Variants in BDKRB2 observed in about 807,000 individuals in gnomAD.
BDKRB2 encodes the protein B2 bradykinin receptor.
Under a neutral mutation model 4.0 loss-of-function variants are expected in BDKRB2, and 6 were observed. That is an observed-to-expected ratio of 1.49 (90% CI 0.81 to 2.93). The LOEUF is 2.93. Ranked by LOEUF, BDKRB2 falls within the 30% of genes most tolerant of loss-of-function variation. The pLI is 0.00. For missense variants in BDKRB2, 478 were observed against 520.1 expected, an observed-to-expected ratio of 0.92 and a Z score of 0.79; for synonymous variants, 225 against 215.3, an observed-to-expected ratio of 1.05 and a Z score of -0.40.
chr14:96,209,528 G>T (rs890599810), intron 1 of BDKRB2, among the ~76,000 whole-genome samples: 1 of 152,150 alleles, frequency 6.6e-6, no homozygotes, highest in Non-Finnish European at 1.5e-5. Flanking sequence ...AGGCAGTAGG[G>T]GAAAGAAGGA....
chr14:96,231,281 A>G (rs1890813208), intron 1 of BDKRB2, among the ~76,000 whole-genome samples: 1 of 152,192 alleles, frequency 6.6e-6, no homozygotes, highest in Non-Finnish European at 1.5e-5. Context: ...AAGGACTTAC[A>G]TGTATATGTC....
At chr14:96,206,632 T>G (rs1430481063) in intron 1 of BDKRB2, among the ~76,000 whole-genome samples, 1 of 152,098 alleles carries the variant, frequency 6.6e-6, no homozygotes, top group Admixed American at 6.5e-5. Flanking sequence ...CGAATAGCTG[T>G]GCCACGTGGT....
intron 1 of BDKRB2, among the ~76,000 whole-genome samples, chr14:96,231,059 A>G (rs1890808122): frequency 6.6e-6 from 1 of 152,244 alleles, no homozygotes; most frequent in South Asian, 2.1e-4. Context: ...AAACACACTG[A>G]GCAGAATAAT....
chr14:96,237,802 C>T, intron 2 of BDKRB2: 1 of 1,289,834 alleles, frequency 7.8e-7, no homozygotes, highest in Non-Finnish European at 1.0e-6. Flanking sequence ...CCGCACTCAG[C>T]AGGCATCTTT....
chr14:96,208,481 G>A (rs1224493300), intron 1 of BDKRB2, among the ~76,000 whole-genome samples: 1 of 152,120 alleles, frequency 6.6e-6, no homozygotes, highest in African/African-American at 2.4e-5. Flanking sequence ...TTCTTCTCCT[G>A]TACAATGGGG....
In BDKRB2 at chr14:96,241,360, G is replaced by T; in HGVS notation, c.1032G>T (p.Trp344Cys). The change falls in exon 3 of 3, where the codon TGG (tryptophan) becomes TGT (cysteine). Residue 344 changes from tryptophan to cysteine, a missense_variant. Transcript: ENST00000554311. Reference sequence around the variant, plus strand: ...GCAAGCGCTTCCGAAAGAAGTCTTGGGAGGTGTACCAGGGAGTGTGCCAGA... The same window carrying T: ...GCAAGCGCTTCCGAAAGAAGTCTTGTGAGGTGTACCAGGGAGTGTGCCAGA... Reference protein sequence around the residue: ...IVGKRFRKKSWEVYQGVCQKG... With the variant: ...IVGKRFRKKSCEVYQGVCQKG... 6.2e-7 allele frequency: 1 copy of T among 1,613,988 alleles called. No homozygotes were observed. Among genetic ancestry groups the T allele is most frequent in the Non-Finnish European group, 8.5e-7 (1 of 1,180,002 alleles).
At chr14:96,217,187 CTGATGG>C (rs1890446887) in intron 1 of BDKRB2, among the ~76,000 whole-genome samples, 1 of 152,210 alleles carries the variant, frequency 6.6e-6, no homozygotes, top group African/African-American at 2.4e-5. Context: ...GCTCAAGGGA[CTGATGG>C]TGTGTGACAA....
At position 96,204,968 on chromosome 14, in the gene BDKRB2, C is replaced by T; in HGVS notation, c.-40+9C>T. 1 of 213,898 alleles carries T rather than the reference C, an allele frequency of 4.7e-6. No homozygotes were observed. Among genetic ancestry groups the T allele is most frequent in the Non-Finnish European group, 1.0e-5 (1 of 99,734 alleles). The allele number at this position is 213,898 out of a possible 1,614,324, so 13.3% of individuals were successfully genotyped here. A position where few individuals can be genotyped will look rare whatever the true frequency, so the allele number is the denominator to read the frequency against. On this transcript the variant is annotated intron_variant, in intron 1 of 2. Coordinates refer to ENST00000554311, the MANE Select transcript of BDKRB2 (RefSeq NM_001379692.1). ...CGCTTGCTCCGGAGAAGGTGGGTGCCGGGCAGGGGCTGCTCCAGCCGCCTC... is the reference window on the plus strand; with the variant it reads ...CGCTTGCTCCGGAGAAGGTGGGTGCTGGGCAGGGGCTGCTCCAGCCGCCTC...
intron 2 of BDKRB2, chr14:96,239,280 G>T: frequency 2.1e-6 from 2 of 974,958 alleles, no homozygotes; most frequent in Non-Finnish European, 2.4e-6. Context: ...CATGAAAAAA[G>T]AAATGCAAAG....
Position 96,204,888 on chromosome 14 carries a change from CGGTGGG to C in BDKRB2, c.-109_-104del. On this transcript the variant is annotated 5_prime_UTR_variant, in exon 1 of 3. Coordinates refer to ENST00000554311, the MANE Select transcript of BDKRB2 (RefSeq NM_001379692.1). ...CGAGGAGGGGTGGGGACGGTGGGGA[CGGTGGG>C]GACATCAGGCTGCCCCGCAGTACCA... 1 of 345,808 alleles carries C rather than the reference CGGTGGG, an allele frequency of 2.9e-6. No homozygotes were observed. Among genetic ancestry groups the C allele is most frequent in the Non-Finnish European group, 5.8e-6 (1 of 173,544 alleles). The allele number at this position is 345,808 out of a possible 1,614,324, so 21.4% of individuals were successfully genotyped here.
intron 1 of BDKRB2, among the ~76,000 whole-genome samples, chr14:96,212,324 T>A (rs1890320868): frequency 6.6e-6 from 1 of 152,120 alleles, no homozygotes; most frequent in African/African-American, 2.4e-5. Flanking sequence ...TTACCAAACT[T>A]ATGGGATGCA....
chr14:96,234,818 G>A (rs770051481), intron 1 of BDKRB2, among the ~76,000 whole-genome samples: 4 of 152,204 alleles, frequency 2.6e-5, no homozygotes, highest in Non-Finnish European at 4.4e-5. Flanking sequence ...CCATAATGGA[G>A]GCCAGCGAGG....
chr14:96,238,686 T>C (rs955276977), intron 2 of BDKRB2: 2 of 966,084 alleles, frequency 2.1e-6, no homozygotes, highest in Non-Finnish European at 2.5e-6. Context: ...GCTCAGGCTG[T>C]TCCCCCTGCC....
In BDKRB2 at chr14:96,220,593, G is replaced by A. The variant is rs892756105; in HGVS notation, c.-40+15634G>A. 9.2e-5 allele frequency among the ~76,000 whole-genome samples: 14 copies of A among 151,974 alleles called. No individual in the cohort carries two copies. The South Asian group carries it at 1.9e-3, about 20-fold the overall frequency. On this transcript the variant is annotated intron_variant, in intron 1 of 2. Transcript: ENST00000554311. ...TCTGGAGGTACCAACATGAGACTCC[G>A]AGGGCCACCTCCTCTGCCCCTCCCT...
chr14:96,209,239 G>T (rs540803924), intron 1 of BDKRB2, among the ~76,000 whole-genome samples: 3 of 152,316 alleles, frequency 2.0e-5, no homozygotes, highest in Non-Finnish European at 4.4e-5. Flanking sequence ...GGTTCATCGA[G>T]TTGATAAACT....
chr14:96,236,076 G>A (rs1265666470), intron 1 of BDKRB2, among the ~76,000 whole-genome samples: 1 of 152,140 alleles, frequency 6.6e-6, no homozygotes, highest in Non-Finnish European at 1.5e-5. Context: ...AACTTGAAGA[G>A]GGGTAGAGAC....
chr14:96,209,486 G>A (rs1436778180), intron 1 of BDKRB2, among the ~76,000 whole-genome samples: 1 of 152,162 alleles, frequency 6.6e-6, no homozygotes, highest in Non-Finnish European at 1.5e-5. Flanking sequence ...TTCTTTCAAA[G>A]AAGGGTCTTC....
rs552439475 is a variant in BDKRB2 at position 96,241,627 on chromosome 14, C to T, written c.*123C>T. ...ACCTTGGGAAATGAGTTGATGTCTC[C>T]GGTAAAACACCGGAGACTAATTCCT... On this transcript the variant is annotated 3_prime_UTR_variant, in exon 3 of 3. Transcript: ENST00000554311. 4 of 1,399,006 alleles carry T rather than the reference C, an allele frequency of 2.9e-6. No individual in the cohort carries two copies. The highest frequency in any genetic ancestry group is 3.1e-5 in the Admixed American group (1 of 31,848). 86.7% of individuals were successfully genotyped at this position (1,399,006 alleles called of 1,614,324 possible).
chr14:96,232,812 GGGA>G (rs1160541991), intron 1 of BDKRB2, among the ~76,000 whole-genome samples: 7 of 152,304 alleles, frequency 4.6e-5, no homozygotes, highest in Admixed American at 4.6e-4. Flanking sequence ...TTCCCTTGCT[GGGA>G]AATGCTTCCC....
Sources: gnomAD v4.1 joint callset for allele counts (sites outside exome capture counted in the v4.1 genomes callset) on GRCh38, gnomAD v4.1.1 for gene constraint, MANE v1.5 for transcripts, NCBI Gene and HGNC (gene_info 2026-07-23, HGNC 2026-07-21) for gene names.